Variants in ASIC4 observed in about 807,000 individuals in gnomAD.
ASIC4 encodes the protein acid sensing ion channel subunit family member 4, also known as acid-sensing ion channel 4.
ASIC4 carries 28 observed loss-of-function variants against 53.4 expected under a neutral mutation model. That is an observed-to-expected ratio of 0.52 (90% CI 0.39 to 0.72). The LOEUF is 0.72. Among genes scored for constraint, ASIC4 ranks in the 30% least tolerant of loss-of-function variants. The pLI is 0.00. For synonymous variants in ASIC4, 289 were observed against 301.4 expected (o/e 0.96, Z 0.43); for missense variants, 649 against 729.7 (o/e 0.89, Z 1.27).
At position 219,515,226 on chromosome 2, in the gene ASIC4, C is replaced by T. The variant is rs1174820036; in HGVS notation, c.502C>T (p.Arg168Cys). The change falls in exon 1 of 10, where the codon CGC (arginine) becomes TGC (cysteine). Residue 168 changes from arginine to cysteine, a missense_variant. Coordinates refer to ENST00000358078, the MANE Select transcript of ASIC4 (RefSeq NM_018674.6). ...GCCTGACATGGTAGACATCCTCAACCGCACTGGCCACCAGCTCGCCGACAT... is the reference window on the plus strand; with the variant it reads ...GCCTGACATGGTAGACATCCTCAACTGCACTGGCCACCAGCTCGCCGACAT... Reference protein sequence around the residue: ...PEPDMVDILNRTGHQLADMLK... With the variant: ...PEPDMVDILNCTGHQLADMLK... The T allele has an allele frequency of 3.6e-5, 58 of 1,614,080 alleles. 1 individual carries two copies. Among genetic ancestry groups the T allele is most frequent in the Non-Finnish European group, 4.6e-5 (54 of 1,180,020 alleles).
rs80329118 is a variant in ASIC4 at position 219,518,781 on chromosome 2, G to T, written c.582+3475G>T. Among the ~76,000 whole-genome samples the T allele has an allele frequency of 6.8e-3, 1,037 of 152,272 alleles. 12 individuals carry two copies. The highest frequency in any genetic ancestry group is 0.023 in the African/African-American group (968 of 41,552). ...TCTTGAGCTGTAAAATGCAAGGGTGGCTCTAAAATTCAGCATCTCCTCTCA... is the reference window on the plus strand; with the variant it reads ...TCTTGAGCTGTAAAATGCAAGGGTGTCTCTAAAATTCAGCATCTCCTCTCA... On this transcript the variant is annotated intron_variant, in intron 1 of 9. Coordinates refer to ENST00000358078, the MANE Select transcript of ASIC4 (RefSeq NM_018674.6). This position sits in a 1 kb window ranked among gnomAD's most constrained non-coding sequence, Gnocchi z 4.8.
In ASIC4 at chr2:219,537,622, G is replaced by C. The variant is rs780275526; in HGVS notation, c.1402-10G>C. 3.7e-6 allele frequency: 6 copies of C among 1,608,428 alleles called. No homozygotes were observed. The highest frequency in any genetic ancestry group is 1.7e-4 in the Middle Eastern group (1 of 5,988). ...TGAGCCCACTGCTGTCCCCGACCCT[G>C]AACCCCAAGGTGTCCTGGGATCGAC... On this transcript the variant is annotated splice_polypyrimidine_tract_variant and intron_variant, in intron 8 of 9. Transcript: ENST00000358078. This position sits in a 1 kb window ranked among gnomAD's most constrained non-coding sequence, Gnocchi z 4.9.
At chr2:219,525,044 TAA>T (rs1694942044) in intron 1 of ASIC4, among the ~76,000 whole-genome samples, 1 of 152,240 alleles carries the variant, frequency 6.6e-6, no homozygotes, top group Non-Finnish European at 1.5e-5. Flanking sequence ...CAGAGAGGTT[TAA>T]TCACACATCT....
the ASIC4 span, among the ~76,000 whole-genome samples, chr2:219,507,243 C>T: frequency 6.6e-6 from 1 of 152,170 alleles, no homozygotes; most frequent in African/African-American, 2.4e-5. Flanking sequence ...TTCCTCCTCA[C>T]CGGGCCTGGC....
chr2:219,531,691 G>T (rs1695043650), intron 1 of ASIC4, 67 bp from the exon 2 acceptor site: 1 of 1,517,696 alleles, frequency 6.6e-7, no homozygotes. Context: ...GCAGGGAGCA[G>T]GGAACTTCGG....
chr2:219,510,798 G>A (rs1469188533), upstream of ASIC4, among the ~76,000 whole-genome samples: 1 of 152,024 alleles, frequency 6.6e-6, no homozygotes, highest in Non-Finnish European at 1.5e-5. This position sits in a 1 kb window ranked among gnomAD's most constrained non-coding sequence, Gnocchi z 5.2. Flanking sequence ...GCGGTGGGAC[G>A]CTAACCCTCT....
chr2:219,509,663 A>C (rs940621034), upstream of ASIC4, among the ~76,000 whole-genome samples: 5 of 152,092 alleles, frequency 3.3e-5, no homozygotes, highest in African/African-American at 9.6e-5. This position sits in a 1 kb window ranked among gnomAD's most constrained non-coding sequence, Gnocchi z 5.2. Context: ...AGAGAGCAGG[A>C]GGGCAGGGGG....
At position 219,532,306 on chromosome 2, in the gene ASIC4, C is replaced by T. The variant is rs770536032; in HGVS notation, c.856-9C>T. The T allele has an allele frequency of 2.5e-6, 4 of 1,607,888 alleles. No individual in the cohort carries two copies. The highest frequency in any genetic ancestry group is 3.4e-6 in the Non-Finnish European group (4 of 1,174,962). On this transcript the variant is annotated splice_polypyrimidine_tract_variant and intron_variant, in intron 3 of 9. Coordinates refer to ENST00000358078, the MANE Select transcript of ASIC4 (RefSeq NM_018674.6). ...CTGAGCATGACCTCATCATGCCCCA[C>T]CTCTGCAGCTGACCTACCTGCCCCA... is the stretch of plus-strand genomic sequence containing the variant.
At chr2:219,531,543 G>C (rs1195002458) in intron 1 of ASIC4, among the ~76,000 whole-genome samples, 1 of 152,190 alleles carries the variant, frequency 6.6e-6, no homozygotes, top group African/African-American at 2.4e-5. Flanking sequence ...GTGTTGATGT[G>C]CTGTTGGGTT....
intron 1 of ASIC4, among the ~76,000 whole-genome samples, chr2:219,520,941 T>C (rs1431021789): frequency 6.6e-6 from 1 of 152,184 alleles, no homozygotes; most frequent in African/African-American, 2.4e-5. Flanking sequence ...TTCCAGTCTG[T>C]CAAAAGCAGC....
At chr2:219,507,733 C>T in the ASIC4 span, among the ~76,000 whole-genome samples, 1 of 152,036 alleles carries the variant, frequency 6.6e-6, no homozygotes, top group Non-Finnish European at 1.5e-5. Flanking sequence ...TGGTAATGAT[C>T]GTAATCTGCT....
chr2:219,512,980 G>A (rs1432316187), upstream of ASIC4, among the ~76,000 whole-genome samples: 1 of 152,206 alleles, frequency 6.6e-6, no homozygotes, highest in African/African-American at 2.4e-5. Flanking sequence ...GCTGCTAAGG[G>A]AGCCATCCCT....
In ASIC4 at chr2:219,518,818, C is replaced by T. The variant is rs1406965956; in HGVS notation, c.582+3512C>T. On this transcript the variant is annotated intron_variant, in intron 1 of 9. Coordinates refer to ENST00000358078, the MANE Select transcript of ASIC4 (RefSeq NM_018674.6). The surrounding 1 kb of genome is among the most constrained non-coding windows in gnomAD (Gnocchi z 4.8). The stretch of plus-strand genomic sequence containing the variant: ...AGCATCTCCTCTCACCTGGGGACCA[C>T]CAGGATTCGAACCTCGGCTCTACGC... Among the ~76,000 whole-genome samples, 6 of 152,230 alleles carry T rather than the reference C, an allele frequency of 3.9e-5. No homozygotes were observed. The highest frequency in any genetic ancestry group is 3.9e-4 in the Admixed American group (6 of 15,286).
At chr2:219,512,862 A>C (rs1345632890), upstream of ASIC4, among the ~76,000 whole-genome samples, 2 of 152,228 alleles carry the variant, frequency 1.3e-5, no homozygotes, top group Non-Finnish European at 2.9e-5. Context: ...CAACCTAAGC[A>C]GGGCACCACG....
rs1695144573 is a variant in ASIC4, at chr2:219,536,763, G to C, written c.1230-303G>C. Among the ~76,000 whole-genome samples, 1 of 152,060 alleles carries C rather than the reference G, an allele frequency of 6.6e-6. No homozygotes were observed. The highest frequency in any genetic ancestry group is 1.5e-5 in the Non-Finnish European group (1 of 68,012). On this transcript the variant is annotated intron_variant, in intron 6 of 9. Coordinates refer to ENST00000358078, the MANE Select transcript of ASIC4 (RefSeq NM_018674.6). This position sits in a 1 kb window ranked among gnomAD's most constrained non-coding sequence, Gnocchi z 4.6. ...CTGACGGGCAACAGGGGTCACTGAA[G>C]GGTCCGCAGAGGCGTAAGGAGGAGG...
At chr2:219,512,124 G>A (rs1030907361), upstream of ASIC4, among the ~76,000 whole-genome samples, 2 of 152,120 alleles carry the variant, frequency 1.3e-5, no homozygotes, top group African/African-American at 4.8e-5. Flanking sequence ...GTGGGGGTGT[G>A]CATGCAGCTA....
At chr2:219,519,426 T>A (rs961049249) in intron 1 of ASIC4, among the ~76,000 whole-genome samples, 2 of 152,214 alleles carry the variant, frequency 1.3e-5, no homozygotes, top group African/African-American at 4.8e-5. Context: ...TCGCCCCGCT[T>A]TTGACCCTCT....
intron 1 of ASIC4, among the ~76,000 whole-genome samples, chr2:219,528,984 G>A (rs1694999396): frequency 6.6e-6 from 1 of 152,122 alleles, no homozygotes; most frequent in South Asian, 2.1e-4. Flanking sequence ...GTGGCCCATG[G>A]ACTCTCAGCC....
chr2:219,532,240 C>T (rs1695053842), intron 3 of ASIC4, 75 bp from the exon 4 acceptor site: 1 of 1,596,970 alleles, frequency 6.3e-7, no homozygotes, highest in African/African-American at 1.3e-5. Flanking sequence ...GCTGTGTTGA[C>T]TTTGCTGGGG....
Sources: gnomAD v4.1 joint callset for allele counts (sites outside exome capture counted in the v4.1 genomes callset) on GRCh38, gnomAD v4.1.1 for gene constraint, Gnocchi (gnomAD v3.1) non-coding constraint, MANE v1.5 for transcripts, NCBI Gene and HGNC (gene_info 2026-07-23, HGNC 2026-07-21) for gene names.